Variants in INSRR observed in about 807,000 individuals in gnomAD.
The protein encoded by INSRR is insulin receptor related receptor.
INSRR carries 114 observed loss-of-function variants against 130.0 expected under a neutral mutation model. The ratio of observed to expected loss-of-function variants is 0.88; its 90% CI spans 0.75 to 1.02. The LOEUF is 1.02. INSRR is among the 50% of genes least tolerant of loss of function. The pLI is 0.00. For missense variants in INSRR, 1,657 were observed against 1,735.2 expected (o/e 0.95, Z 0.80); for synonymous variants, 674 against 705.2 (o/e 0.96, Z 0.70).
At chr1:156,847,797 A>G (rs1194744491) in intron 7 of INSRR, among the ~76,000 whole-genome samples, 1 of 152,142 alleles carries the variant, frequency 6.6e-6, no homozygotes, top group Non-Finnish European at 1.5e-5. Context: ...CTGAGGGAGC[A>G]TAGCTGCAGC....
chr1:156,842,504 C>G lies in INSRR; in HGVS notation c.3131G>C (p.Arg1044Pro). Residue 1044 changes from arginine (R) to proline (P), a missense_variant, in exon 18 of 22, where the codon CGT (arginine) becomes CCT (proline). By Grantham distance (103) the Arg-to-Pro change is moderately radical (BLOSUM62 -2). Coordinates refer to ENST00000368195, the MANE Select transcript of INSRR (RefSeq NM_014215.3). Reference sequence around the variant, plus strand: ...GCCCTGAGATACCACACCCAGGAGACGCACCTGGGACAGACAAAGGGCCTA... The same window carrying G: ...GCCCTGAGATACCACACCCAGGAGAGGCACCTGGGACAGACAAAGGGCCTA... ...MKAFKCHHVV[R>P]LLGVVSQGQP... 2 of 1,612,694 alleles carry G rather than the reference C, an allele frequency of 1.2e-6. No individual in the cohort carries two copies. Among genetic ancestry groups the G allele is most frequent in the Middle Eastern group, 3.3e-4 (2 of 6,058 alleles).
rs1654771467 is a variant in INSRR, at chr1:156,841,333, C to T, written c.3662+61G>A. 4.0e-6 allele frequency: 6 copies of T among 1,502,646 alleles called. No individual in the cohort carries two copies. In the East Asian group the frequency reaches 1.4e-4, roughly 34 times the overall value. The allele number at this position is 1,502,646 out of a possible 1,614,324, so 93.1% of individuals were successfully genotyped here. On this transcript the variant is annotated intron_variant, in intron 21 of 21. Coordinates refer to ENST00000368195, the MANE Select transcript of INSRR (RefSeq NM_014215.3). The stretch of plus-strand genomic sequence containing the variant: ...GAGGAGGTGAGCCAGAATCATGGGG[C>T]CGGGTGGGGGAGGGTTGTAGGTAGA...
rs1198990583 is a variant in INSRR at position 156,841,793 on chromosome 1, G to C, written c.3399C>G (p.Asp1133Glu). The C allele has an allele frequency of 6.2e-7, 1 of 1,614,162 alleles. No individual in the cohort carries two copies. The highest frequency in any genetic ancestry group is 8.5e-7 in the Non-Finnish European group (1 of 1,180,010). The change falls in exon 20 of 22, where the codon GAC becomes GAG. Residue 1133 changes from aspartate to glutamate, a missense_variant and splice_region_variant. Coordinates refer to ENST00000368195, the MANE Select transcript of INSRR (RefSeq NM_014215.3). ...CATACACGTCCCGAGTCATCCCGAA[G>C]TCTGGAAAGTGAGGGTGAGGGTGGA... ...VSQDFTVKIG[D>E]FGMTRDVYET... is the part of the protein sequence containing the mutation.
At position 156,852,755 on chromosome 1, in the gene INSRR, G is replaced by A. The variant is rs141836653; in HGVS notation, c.638-564C>T. On this transcript the variant is annotated intron_variant, in intron 2 of 21. Transcript: ENST00000368195. ...CACAGTGGTAGCTGGCTGGCTATGGGAGCGATCTGTGGGGTAGGGGTCAGC... is the reference window on the plus strand; with the variant it reads ...CACAGTGGTAGCTGGCTGGCTATGGAAGCGATCTGTGGGGTAGGGGTCAGC... Among the ~76,000 whole-genome samples the A allele has an allele frequency of 9.6e-4, 146 of 152,336 alleles. 1 individual carries two copies. Among genetic ancestry groups the A allele is most frequent in the Non-Finnish European group, 1.6e-3 (112 of 68,012 alleles).
chr1:156,846,124 G>A lies in INSRR; in HGVS notation c.1811-5C>T, dbSNP rs189068345. The A allele has an allele frequency of 2.8e-4, 446 of 1,586,250 alleles. 1 individual carries two copies. In the African/African-American group the frequency reaches 5.5e-3, roughly 20 times the overall value. ...CGTCTTGGGGCACCGTGGGAGCTAG[G>A]AGTGCGAGAAGGATGCAACTCAGGG... is the stretch of plus-strand genomic sequence containing the variant. On this transcript the variant is annotated splice_region_variant and splice_polypyrimidine_tract_variant and intron_variant, in intron 8 of 21. Transcript: ENST00000368195.
chr1:156,846,162 C>G, intron 8 of INSRR, 43 bp from the exon 9 acceptor site: 2 of 1,524,484 alleles, frequency 1.3e-6, no homozygotes, highest in Non-Finnish European at 1.8e-6. Flanking sequence ...GTGGGTCTTC[C>G]TCCTGAATAC....
chr1:156,851,502 GAA>G, intron 4 of INSRR, 68 bp from the exon 5 acceptor site: 1 of 1,607,062 alleles, frequency 6.2e-7, no homozygotes. Context: ...CAAGGGGGCT[GAA>G]TGGGGGCCCC....
intron 12 of INSRR, 42 bp downstream of exon 12, chr1:156,845,034 G>T: frequency 1.3e-6 from 2 of 1,569,982 alleles, no homozygotes. Flanking sequence ...GGGTCCTTGG[G>T]GTCGGTGATG....
intron 8 of INSRR, among the ~76,000 whole-genome samples, 195 bp from the exon 9 acceptor site, chr1:156,846,314 G>A (rs947736662): frequency 2.0e-5 from 3 of 151,978 alleles, no homozygotes; most frequent in Non-Finnish European, 4.4e-5. Context: ...AGTTCCCTCA[G>A]CTATTGACCC....
Position 156,854,440 on chromosome 1 carries a change from G to A in INSRR, c.86-137C>T, listed in dbSNP as rs1205096316. ...CCGGGCTCTGCTCTGGGTGTGGGGT[G>A]GCCTCCTTCCTGGGCCCCGGAGGGC... On this transcript the variant is annotated intron_variant, in intron 1 of 21. Transcript: ENST00000368195. The surrounding 1 kb of genome is among the most constrained non-coding windows in gnomAD (Gnocchi z 4.2). The A allele has an allele frequency of 3.1e-6, 3 of 960,068 alleles. No individual in the cohort carries two copies. The highest frequency in any genetic ancestry group is 1.6e-5 in the African/African-American group (1 of 60,744). 59.5% of individuals were successfully genotyped at this position (960,068 alleles called of 1,614,324 possible).
chr1:156,857,157 C>CTGTGTG (rs1327364524), intron 1 of INSRR, among the ~76,000 whole-genome samples: 27 of 121,388 alleles, frequency 2.2e-4, no homozygotes, highest in East Asian at 4.6e-4. Flanking sequence ...TGCCCAGCAG[C>CTGTGTG]TGTGTATGTG....
At chr1:156,843,588 A>G (rs1275696275) in intron 15 of INSRR, 109 bp from the exon 16 acceptor site, 2 of 1,156,014 alleles carry the variant, frequency 1.7e-6, no homozygotes, top group African/African-American at 3.0e-5. Context: ...TACTGACCAC[A>G]CCCCCAGCCT....
At position 156,844,827 on chromosome 1, in the gene INSRR, A is replaced by T. The variant is rs761205184; in HGVS notation, c.2454T>A (p.Ile818=). ...AGGCCTCCCAGGCCACCTTTCCTGGAATACCATCAGCCTCTCCTGCGGGAA... is the reference window on the plus strand; with the variant it reads ...AGGCCTCCCAGGCCACCTTTCCTGGTATACCATCAGCCTCTCCTGCGGGAA... ...RTMPHREADG[I]PGKVAWEASS... is the part of the protein sequence containing the mutation. Residue 818 remains isoleucine (I), a synonymous_variant, in exon 13 of 22, where the codon ATT becomes ATA. Coordinates refer to ENST00000368195, the MANE Select transcript of INSRR (RefSeq NM_014215.3). The T allele has an allele frequency of 8.7e-6, 14 of 1,614,058 alleles. No individual in the cohort carries two copies. The highest frequency in any genetic ancestry group is 2.2e-5 in the East Asian group (1 of 44,844).
At chr1:156,843,752 C>A (rs1048917964) in intron 15 of INSRR, among the ~76,000 whole-genome samples, 4 of 152,236 alleles carry the variant, frequency 2.6e-5, no homozygotes, top group African/African-American at 7.2e-5. Context: ...GGTCCAGCCC[C>A]ATTTTCCTCT....
Position 156,849,381 on chromosome 1 carries a change from C to A in INSRR, c.1309G>T (p.Val437Leu), listed in dbSNP as rs755727242. Residue 437 changes from valine (V) to leucine (L), a missense_variant, in exon 6 of 22, where the codon GTG becomes TTG. Val to Leu is a conservative substitution (Grantham distance 32). Transcript: ENST00000368195. ...TTGAAGGCGAAGTAGATCTTGCCCA[C>A]GGGAATGGTGAGCCCCGCGGCCACC... ...SWVAAGLTIP[V>L]GKIYFAFNPR... 5.6e-6 allele frequency: 9 copies of A among 1,613,044 alleles called. No homozygotes were observed. Among genetic ancestry groups the A allele is most frequent in the South Asian group, 1.1e-5 (1 of 91,034 alleles).
rs376720827 is a variant in INSRR, at chr1:156,842,100, C to G, written c.3397+12G>C. The G allele has an allele frequency of 3.7e-6, 6 of 1,613,740 alleles. No homozygotes were observed. In the African/African-American group the frequency reaches 8.0e-5, roughly 22 times the overall value. On this transcript the variant is annotated intron_variant, in intron 19 of 21. Coordinates refer to ENST00000368195, the MANE Select transcript of INSRR (RefSeq NM_014215.3). ...TTTCAGGCCGCCCTCATCTGCCTGGCACCCTCTGTACCCCCGATCTTGACG... is the reference window on the plus strand; with the variant it reads ...TTTCAGGCCGCCCTCATCTGCCTGGGACCCTCTGTACCCCCGATCTTGACG...
chr1:156,850,534 C>CTT (rs35237064), intron 5 of INSRR, among the ~76,000 whole-genome samples: 733 of 58,636 alleles, frequency 0.013, 62 homozygotes, highest in Middle Eastern at 0.017. Flanking sequence ...TTAAAACATT[C>CTT]TTTTTTTTTT....
At position 156,841,015 on chromosome 1, in the gene INSRR, C is replaced by T. The variant is rs565103475; in HGVS notation, c.3752G>A (p.Arg1251Gln). 20 of 1,609,004 alleles carry T rather than the reference C, an allele frequency of 1.2e-5. No individual in the cohort carries two copies. Among genetic ancestry groups the T allele is most frequent in the African/African-American group, 1.2e-4 (9 of 75,000 alleles). Reference sequence around the variant, plus strand: ...GAAGGAGAGGAGGCGGAAGGAGGGCCGCAGCTCCTCCTGTATGCTGTCCAG... The same window carrying T: ...GAAGGAGAGGAGGCGGAAGGAGGGCTGCAGCTCCTCCTGTATGCTGTCCAG... The part of the protein sequence containing the change: ...HILDSIQEEL[R>Q]PSFRLLSFYY... The change falls in exon 22 of 22, where the codon CGG becomes CAG. Residue 1251 changes from arginine (R) to glutamine (Q), a missense_variant. By Grantham distance (43) the Arg-to-Gln change is conservative (BLOSUM62 1). Coordinates refer to ENST00000368195, the MANE Select transcript of INSRR (RefSeq NM_014215.3).
chr1:156,848,822 T>C, intron 7 of INSRR, 99 bp downstream of exon 7: 1 of 1,432,042 alleles, frequency 7.0e-7, no homozygotes, highest in Non-Finnish European at 9.4e-7. Flanking sequence ...TCCTGGGTCT[T>C]CATAGCCTCG....
Sources: allele counts gnomAD v4.1 joint callset (sites outside exome capture counted in the v4.1 genomes callset), GRCh38; gene constraint gnomAD v4.1.1; non-coding constraint Gnocchi (gnomAD v3.1); transcripts MANE v1.5; gene names NCBI Gene and HGNC (gene_info 2026-07-23, HGNC 2026-07-21).